Variants in SH3BGR observed in about 807,000 individuals in gnomAD.
SH3BGR encodes SH3 domain binding glutamate rich protein.
In SH3BGR, 29 loss-of-function variants were observed where a neutral mutation model predicts 24.5. The ratio of observed to expected loss-of-function variants is 1.18; its 90% CI spans 0.88 to 1.61. The LOEUF (loss-of-function observed/expected upper bound fraction) is 1.61. Among genes scored for constraint, SH3BGR ranks in the 40% most tolerant of loss-of-function variants. The pLI is 0.00. For missense variants in SH3BGR, 162 were observed against 205.8 expected (o/e 0.79, Z 1.30); for synonymous variants, 55 against 65.7 (o/e 0.84, Z 0.79).
intron 1 of SH3BGR, among the ~76,000 whole-genome samples, chr21:39,459,194 A>G (rs1013551411): frequency 8.2e-5 from 12 of 147,006 alleles, no homozygotes; most frequent in Middle Eastern, 3.5e-3. Context: ...CTCTCTCCCT[A>G]CCTACCTTCC....
At chr21:39,508,057 T>C (rs1474513046) in intron 4 of SH3BGR, among the ~76,000 whole-genome samples, 1 of 152,208 alleles carries the variant, frequency 6.6e-6, no homozygotes, top group African/African-American at 2.4e-5. Context: ...ACCTTTGACT[T>C]TGGCAAATGA....
At chr21:39,502,983 C>T (rs2078521113) in intron 4 of SH3BGR, among the ~76,000 whole-genome samples, 1 of 111,052 alleles carries the variant, frequency 9.0e-6, no homozygotes, top group Middle Eastern at 4.5e-3. Context: ...CAATTCCAAG[C>T]TCTTTTTTTT....
At position 39,509,032 on chromosome 21, in the gene SH3BGR, G is replaced by A. The variant is rs777198580; in HGVS notation, c.435+5G>A. The A allele has an allele frequency of 2.5e-6, 4 of 1,607,004 alleles. No homozygotes were observed. The highest frequency in any genetic ancestry group is 2.2e-5 in the East Asian group (1 of 44,722). ...GGAGAGACAGCCACAGAAGAGGTAC[G>A]GTCGACCATCTTTAACAGCTGTGCT... On this transcript the variant is annotated splice_donor_5th_base_variant and intron_variant, in intron 5 of 6. Coordinates refer to ENST00000333634, the MANE Select transcript of SH3BGR (RefSeq NM_007341.3).
intron 1 of SH3BGR, among the ~76,000 whole-genome samples, chr21:39,453,205 A>G (rs1011233286): frequency 1.3e-5 from 2 of 152,234 alleles, no homozygotes; most frequent in Non-Finnish European, 2.9e-5. Context: ...GTGAGAAGAA[A>G]GCAAGAGAAA....
At chr21:39,475,403 T>G (rs575448315) in intron 3 of SH3BGR, among the ~76,000 whole-genome samples, 188 bp downstream of exon 3, 1 of 152,344 alleles carries the variant, frequency 6.6e-6, no homozygotes, top group East Asian at 1.9e-4. Context: ...TCCAAAATTA[T>G]GCTTTTCATA....
chr21:39,490,827 G>A (rs2078287611), intron 3 of SH3BGR, among the ~76,000 whole-genome samples: 1 of 151,358 alleles, frequency 6.6e-6, no homozygotes, highest in Non-Finnish European at 1.5e-5. Flanking sequence ...TTCCCTCCCA[G>A]GCTAAAATGA....
intron 1 of SH3BGR, among the ~76,000 whole-genome samples, chr21:39,459,569 A>G (rs532627512): frequency 5.3e-5 from 8 of 150,044 alleles, no homozygotes; most frequent in Admixed American, 2.0e-4. Context: ...GTCTTGTTCT[A>G]TTGCCAAGGC....
At chr21:39,474,919 G>T (rs916166970) in intron 2 of SH3BGR, among the ~76,000 whole-genome samples, 2 of 151,818 alleles carry the variant, frequency 1.3e-5, no homozygotes, top group Non-Finnish European at 2.9e-5. Flanking sequence ...TCTTGCTGTG[G>T]TATACAAGCA....
intron 3 of SH3BGR, among the ~76,000 whole-genome samples, chr21:39,484,201 A>G (rs935110854): frequency 6.6e-6 from 1 of 152,238 alleles, no homozygotes; most frequent in Non-Finnish European, 1.5e-5. Context: ...TGACTCAGAC[A>G]GCAACACAGA....
intron 1 of SH3BGR, among the ~76,000 whole-genome samples, chr21:39,454,825 G>A (rs943459662): frequency 1.3e-5 from 2 of 152,224 alleles, no homozygotes; most frequent in African/African-American, 2.4e-5. Context: ...TAGATGGCCC[G>A]TGTGACAGTG....
At chr21:39,513,339 G>C (rs1487901424) in intron 6 of SH3BGR, among the ~76,000 whole-genome samples, 1 of 152,106 alleles carries the variant, frequency 6.6e-6, no homozygotes, top group African/African-American at 2.4e-5. Context: ...AGAAATCTTT[G>C]GTGCTCTTTA....
intron 6 of SH3BGR, among the ~76,000 whole-genome samples, chr21:39,513,984 G>GA (rs1449201135): frequency 1.3e-5 from 2 of 151,950 alleles, no homozygotes; most frequent in South Asian, 4.1e-4. Context: ...AAAAAAGAAA[G>GA]AAAAAAAGGC....
chr21:39,461,508 G>A (rs2077755160), intron 1 of SH3BGR, among the ~76,000 whole-genome samples: 1 of 152,142 alleles, frequency 6.6e-6, no homozygotes, highest in East Asian at 1.9e-4. Flanking sequence ...GGTTCACAAA[G>A]CTCTGCCCCA....
At chr21:39,461,239 C>A (rs1337481818) in intron 1 of SH3BGR, among the ~76,000 whole-genome samples, 1 of 150,976 alleles carries the variant, frequency 6.6e-6, no homozygotes, top group Non-Finnish European at 1.5e-5. Context: ...TGGGTTCAAG[C>A]GATTCTCCTG....
intron 1 of SH3BGR, among the ~76,000 whole-genome samples, chr21:39,446,301 T>G (rs2077463435): frequency 6.6e-6 from 1 of 152,232 alleles, no homozygotes; most frequent in South Asian, 2.1e-4. Flanking sequence ...AGATGTTTTT[T>G]AATGACAGCA....
chr21:39,465,693 C>T (rs528006845), intron 2 of SH3BGR, among the ~76,000 whole-genome samples: 2 of 152,196 alleles, frequency 1.3e-5, no homozygotes, highest in African/African-American at 2.4e-5. Context: ...TGAGCTCAAG[C>T]GATCCTCCTG....
intron 3 of SH3BGR, among the ~76,000 whole-genome samples, chr21:39,483,511 A>G (rs903574444): frequency 3.3e-5 from 5 of 152,184 alleles, no homozygotes; most frequent in African/African-American, 1.2e-4. Flanking sequence ...CTCATTCAGC[A>G]TGAAATGAAG....
intron 1 of SH3BGR, among the ~76,000 whole-genome samples, chr21:39,454,282 A>C (rs1191219392): frequency 6.6e-6 from 1 of 152,318 alleles, no homozygotes; most frequent in East Asian, 1.9e-4. Flanking sequence ...CAGCCTGTAC[A>C]TTTAAAAAAT....
intron 2 of SH3BGR, among the ~76,000 whole-genome samples, chr21:39,464,107 C>T (rs2077800451): frequency 6.6e-6 from 1 of 152,176 alleles, no homozygotes; most frequent in African/African-American, 2.4e-5. Flanking sequence ...GTGTGTCTCT[C>T]TGTGTTCACA....
Sources: gnomAD v4.1 joint callset for allele counts (sites outside exome capture counted in the v4.1 genomes callset) on GRCh38, gnomAD v4.1.1 for gene constraint, MANE v1.5 for transcripts, NCBI Gene and HGNC (gene_info 2026-07-23, HGNC 2026-07-21) for gene names.